Variants in KCNAB1 observed in about 807,000 individuals in gnomAD.
The protein encoded by KCNAB1 is voltage-gated potassium channel subunit beta-1.
KCNAB1 carries 35 observed loss-of-function variants against 64.6 expected under a neutral mutation model. The ratio of observed to expected loss-of-function variants is 0.54; its 90% CI spans 0.41 to 0.72. The LOEUF is 0.72. KCNAB1 is among the 30% of genes least tolerant of loss of function. The pLI is 0.00. For synonymous variants in KCNAB1, 177 were observed against 183.8 expected (o/e 0.96, Z 0.30); for missense variants, 401 against 512.9 (o/e 0.78, Z 2.11).
chr3:156,379,360 C>T (rs1711979058), intron 1 of KCNAB1, among the ~76,000 whole-genome samples: 1 of 152,118 alleles, frequency 6.6e-6, no homozygotes, highest in Non-Finnish European at 1.5e-5. Flanking sequence ...AAATCATGTA[C>T]TATGTTAGGT....
chr3:156,333,223 CT>C (rs1323963232), intron 1 of KCNAB1, among the ~76,000 whole-genome samples: 15 of 152,148 alleles, frequency 9.9e-5, no homozygotes, highest in African/African-American at 3.1e-4. Context: ...AAGTTTCCCC[CT>C]TTTGGCTGTC....
chr3:156,256,797 G>C (rs554814719), intron 1 of KCNAB1, among the ~76,000 whole-genome samples: 1 of 152,256 alleles, frequency 6.6e-6, no homozygotes, highest in African/African-American at 2.4e-5. Flanking sequence ...TGCTTCTTTG[G>C]TCTCTGGCTT....
intron 1 of KCNAB1, among the ~76,000 whole-genome samples, chr3:156,192,272 T>G (rs1421573531): frequency 1.3e-5 from 2 of 152,168 alleles, no homozygotes; most frequent in African/African-American, 4.8e-5. Flanking sequence ...TTGATGATTT[T>G]GGGTAGTTTT....
intron 1 of KCNAB1, among the ~76,000 whole-genome samples, chr3:156,255,585 GC>G (rs1441042443): frequency 2.0e-5 from 3 of 152,148 alleles, no homozygotes; most frequent in Non-Finnish European, 4.4e-5. Flanking sequence ...CACACTGCCT[GC>G]TGTGGTCTGC....
intron 1 of KCNAB1, among the ~76,000 whole-genome samples, chr3:156,261,113 G>A (rs898867320): frequency 6.6e-6 from 1 of 151,890 alleles, no homozygotes; most frequent in Non-Finnish European, 1.5e-5. Flanking sequence ...TTTCTATTGA[G>A]TTATTAGTAT....
chr3:156,504,624 C>G (rs188924358), intron 8 of KCNAB1, among the ~76,000 whole-genome samples: 1 of 151,506 alleles, frequency 6.6e-6, no homozygotes, highest in East Asian at 1.9e-4. Flanking sequence ...TATCTTATGC[C>G]TTGTTTTTGT....
At chr3:156,498,697 G>A (rs568067035) in intron 8 of KCNAB1, among the ~76,000 whole-genome samples, 3 of 152,286 alleles carry the variant, frequency 2.0e-5, no homozygotes, top group South Asian at 2.1e-4. Context: ...ATCCAACACC[G>A]TAGATATCTC....
At chr3:156,476,091 G>T (rs1327204564) in intron 8 of KCNAB1, among the ~76,000 whole-genome samples, 4 of 152,098 alleles carry the variant, frequency 2.6e-5, no homozygotes, top group African/African-American at 9.7e-5. Context: ...CATTTTATTA[G>T]TATAAGAAGT....
intron 8 of KCNAB1, among the ~76,000 whole-genome samples, chr3:156,501,120 GA>G (rs547816304): frequency 1.1e-3 from 170 of 152,264 alleles, no homozygotes; most frequent in African/African-American, 3.7e-3. Context: ...ATGACAAGGG[GA>G]AAACATTAAT....
chr3:156,465,615 A>G (rs774886558), intron 6 of KCNAB1, 28 bp from the exon 7 acceptor site: 2 of 1,606,166 alleles, frequency 1.2e-6, no homozygotes, highest in African/African-American at 2.7e-5. Context: ...ACTCTCATTC[A>G]AAGTTATTTG....
At chr3:156,273,793 A>G (rs943600249) in intron 1 of KCNAB1, 7 of 380,292 alleles carry the variant, frequency 1.8e-5, no homozygotes, top group African/African-American at 1.3e-4. Flanking sequence ...CTATTCAGCT[A>G]TCTTGCTCCA....
intron 1 of KCNAB1, among the ~76,000 whole-genome samples, chr3:156,265,717 G>T (rs374681844): frequency 1.3e-5 from 2 of 152,164 alleles, no homozygotes; most frequent in African/African-American, 4.8e-5. Context: ...CTGTGAGGCC[G>T]GGTGCAGTGG....
intron 1 of KCNAB1, among the ~76,000 whole-genome samples, chr3:156,341,440 A>G (rs1442255277): frequency 1.3e-5 from 2 of 152,188 alleles, no homozygotes; most frequent in Non-Finnish European, 1.5e-5. Flanking sequence ...ATTCCCCTTA[A>G]TTTGCACTGC....
intron 1 of KCNAB1, among the ~76,000 whole-genome samples, chr3:156,317,187 G>C (rs917960855): frequency 6.6e-6 from 1 of 152,128 alleles, no homozygotes; most frequent in Non-Finnish European, 1.5e-5. Context: ...GGTGGGATAG[G>C]TTTGTCAGCA....
At position 156,392,466 on chromosome 3, in the gene KCNAB1, T is replaced by C. The variant is rs116344062; in HGVS notation, c.276-29150T>C. Among the ~76,000 whole-genome samples the C allele has an allele frequency of 7.1e-3, 1,078 of 152,328 alleles. 8 individuals are homozygous for C. The highest frequency in any genetic ancestry group is 0.025 in the African/African-American group (1,030 of 41,570). On this transcript the variant is annotated intron_variant, in intron 1 of 13. Coordinates refer to ENST00000490337, the MANE Select transcript of KCNAB1 (RefSeq NM_172160.3). ...TCAAGTTTATCACTCACTTACTAAT[T>C]TCTGATGCTTATGCTTTCTACTCCT... is the stretch of plus-strand genomic sequence containing the variant.
At chr3:156,274,860 TA>T (rs1719250062) in intron 1 of KCNAB1, among the ~76,000 whole-genome samples, 1 of 152,236 alleles carries the variant, frequency 6.6e-6, no homozygotes, top group African/African-American at 2.4e-5. Context: ...ATTTTTCTTT[TA>T]TTTTTTTCTG....
chr3:156,214,829 A>C (rs1715219158), intron 1 of KCNAB1, among the ~76,000 whole-genome samples: 1 of 152,202 alleles, frequency 6.6e-6, no homozygotes, highest in African/African-American at 2.4e-5. Flanking sequence ...TGAAACATTC[A>C]TTCTTGTCAC....
intron 1 of KCNAB1, among the ~76,000 whole-genome samples, chr3:156,148,997 G>A (rs1305160202): frequency 1.3e-5 from 2 of 152,052 alleles, no homozygotes; most frequent in Non-Finnish European, 2.9e-5. Flanking sequence ...GATGTAATAC[G>A]AAGGTATCTT....
chr3:156,217,308 C>G (rs887765756), intron 1 of KCNAB1, among the ~76,000 whole-genome samples: 2 of 152,148 alleles, frequency 1.3e-5, no homozygotes, highest in African/African-American at 4.8e-5. Flanking sequence ...TTTGGCCTCT[C>G]TTTTCCAAAT....
Sources: allele counts gnomAD v4.1 joint callset (sites outside exome capture counted in the v4.1 genomes callset), GRCh38; gene constraint gnomAD v4.1.1; transcripts MANE v1.5; gene names NCBI Gene and HGNC (gene_info 2026-07-23, HGNC 2026-07-21).